Variants in MCIDAS observed in about 807,000 individuals in gnomAD.
MCIDAS encodes multiciliate differentiation and DNA synthesis associated cell cycle protein.
In MCIDAS, 23 loss-of-function variants were observed where a neutral mutation model predicts 35.4. That is an observed-to-expected ratio of 0.65 (90% CI 0.47 to 0.92). The LOEUF (loss-of-function observed/expected upper bound fraction) is 0.92, where lower values mean the gene tolerates loss of function less well. Ranked by LOEUF, MCIDAS falls within the 40% of genes least tolerant of loss-of-function variation. The pLI is 0.00. For synonymous variants in MCIDAS, 228 were observed against 235.2 expected (o/e 0.97, Z 0.28); for missense variants, 480 against 531.8 (o/e 0.90, Z 0.96).
Position 55,220,381 on chromosome 5 carries a change from G to C in MCIDAS, c.1143C>G (p.Arg381=). ...IRTANGGYKF[R]WVPS ...ACATCACAGCTCAACTGGGGACCCA[G>C]CGGAACTTGTAACCCCCGTTGGCTG... The change falls in exon 7 of 7, where the codon CGC becomes CGG. Residue 381 remains arginine, a synonymous_variant. Transcript: ENST00000513312. 6.5e-7 allele frequency: 1 copy of C among 1,535,156 alleles called. No individual in the cohort carries two copies. Among genetic ancestry groups the C allele is most frequent in the Non-Finnish European group, 8.7e-7 (1 of 1,146,174 alleles).
chr5:55,220,903 C>A (rs1745343477), intron 6 of MCIDAS, 97 bp from the exon 7 acceptor site: 2 of 1,444,934 alleles, frequency 1.4e-6, no homozygotes, highest in Non-Finnish European at 1.8e-6. Context: ...GCACCACGCA[C>A]TCAGCGGTAC....
chr5:55,223,435 G>C lies in MCIDAS; in HGVS notation c.310-412C>G, dbSNP rs971804965. The stretch of plus-strand genomic sequence containing the variant: ...CGTGGCGGGAATGGGTCCTTCCACC[G>C]GCGGTGCGGCGGCCCTGCGCCGGCT... On this transcript the variant is annotated intron_variant, in intron 3 of 6. Transcript: ENST00000513312. This position sits in a 1 kb window ranked among gnomAD's most constrained non-coding sequence, Gnocchi z 4.4. 1.1e-4 allele frequency among the ~76,000 whole-genome samples: 16 copies of C among 152,208 alleles called. No homozygotes were observed. The highest frequency in any genetic ancestry group is 1.0e-3 in the South Asian group (5 of 4,832).
chr5:55,222,403 G>GAGA lies in MCIDAS; in HGVS notation c.383-7_383-5dup. On this transcript the variant is annotated splice_polypyrimidine_tract_variant and splice_region_variant and intron_variant, in intron 4 of 6. Coordinates refer to ENST00000513312, the MANE Select transcript of MCIDAS (RefSeq NM_001190787.3). ...GGCGACATCATAGAGGATGAGTCTGGAGAAGAGCAGGAGCTGGATTTGCAG... is the reference window on the plus strand; with the variant it reads ...GGCGACATCATAGAGGATGAGTCTGGAGAAGAAGAGCAGGAGCTGGATTTGCAG... The GAGA allele has an allele frequency of 6.8e-7, 1 of 1,474,420 alleles. No individual in the cohort carries two copies. 91.3% of individuals were successfully genotyped at this position (1,474,420 alleles called of 1,614,324 possible).
Position 55,220,151 on chromosome 5 carries a change from T to C in MCIDAS, c.*215A>G. The C allele has an allele frequency of 2.0e-6, 1 of 497,248 alleles. No homozygotes were observed. Among genetic ancestry groups the C allele is most frequent in the Non-Finnish European group, 3.5e-6 (1 of 286,296 alleles). 30.8% of individuals were successfully genotyped at this position (497,248 alleles called of 1,614,324 possible). A position where few individuals can be genotyped will look rare whatever the true frequency, so the allele number is the denominator to read the frequency against. On this transcript the variant is annotated 3_prime_UTR_variant, in exon 7 of 7. Coordinates refer to ENST00000513312, the MANE Select transcript of MCIDAS (RefSeq NM_001190787.3). ...TACTTTTAAAATTGGCTGTGACATA[T>C]GTGACATATACATATATAAACAGAG...
At chr5:55,224,202 G>A (rs756685106) in intron 3 of MCIDAS, among the ~76,000 whole-genome samples, 15 of 151,800 alleles carry the variant, frequency 9.9e-5, no homozygotes, top group Admixed American at 5.9e-4. Flanking sequence ...GGCTTCCACC[G>A]AAGACAGCAC....
chr5:55,225,408 G>A (rs553238164), intron 3 of MCIDAS, among the ~76,000 whole-genome samples: 2 of 152,324 alleles, frequency 1.3e-5, no homozygotes, highest in East Asian at 3.9e-4. Context: ...ACATGCTGGG[G>A]TAAGGGAGTG....
At position 55,222,395 on chromosome 5, in the gene MCIDAS, T is replaced by C. The variant is rs1745377943; in HGVS notation, c.387A>G (p.Ser129=). Reference sequence around the variant, plus strand: ...CCAGGGTAGGCGACATCATAGAGGATGAGTCTGGAGAAGAGCAGGAGCTGG... The same window carrying C: ...CCAGGGTAGGCGACATCATAGAGGACGAGTCTGGAGAAGAGCAGGAGCTGG... The part of the protein sequence containing the change: ...RDTVDDLISD[S]SSMMSPTLAS... Residue 129 remains serine (S), a synonymous_variant, in exon 5 of 7, where the codon TCA becomes TCG. Coordinates refer to ENST00000513312, the MANE Select transcript of MCIDAS (RefSeq NM_001190787.3). 5 of 1,502,506 alleles carry C rather than the reference T, an allele frequency of 3.3e-6. No homozygotes were observed. The highest frequency in any genetic ancestry group is 2.5e-5 in the East Asian group (1 of 40,514). 93.1% of individuals were successfully genotyped at this position (1,502,506 alleles called of 1,614,324 possible).
chr5:55,222,136 C>T (rs1259459821), intron 5 of MCIDAS, 40 bp downstream of exon 5: 2 of 1,523,136 alleles, frequency 1.3e-6, no homozygotes, highest in East Asian at 2.4e-5. Context: ...ATATCCTGTC[C>T]CTGCCCCAGG....
rs1480698431 is a variant in MCIDAS, at chr5:55,220,759, G to C, written c.765C>G (p.Pro255=). The stretch of plus-strand genomic sequence containing the variant: ...TTTTGGCCTTCGCCTTGAGCAGGAA[G>C]GGCTCGGCCGCCGCCCCACAATCCC... ...QSRDCGAAAE[P]FLLKAKAKRS... The change falls in exon 7 of 7, where the codon CCC becomes CCG. Residue 255 remains proline, a synonymous_variant. Coordinates refer to ENST00000513312, the MANE Select transcript of MCIDAS (RefSeq NM_001190787.3). The C allele has an allele frequency of 6.5e-7, 1 of 1,534,098 alleles. No homozygotes were observed. Among genetic ancestry groups the C allele is most frequent in the Non-Finnish European group, 8.7e-7 (1 of 1,145,272 alleles).
chr5:55,226,718 G>T, intron 2 of MCIDAS, 51 bp from the exon 3 acceptor site: 1 of 1,424,170 alleles, frequency 7.0e-7, no homozygotes, highest in Non-Finnish European at 9.1e-7. Context: ...GAGCCTCTCC[G>T]CCAGGCTCGC....
At position 55,220,310 on chromosome 5, in the gene MCIDAS, C is replaced by G. The variant is rs1745326115; in HGVS notation, c.*56G>C. 12 of 1,469,708 alleles carry G rather than the reference C, an allele frequency of 8.2e-6. No homozygotes were observed. The highest frequency in any genetic ancestry group is 1.1e-5 in the Non-Finnish European group (12 of 1,105,970). 91.0% of individuals were successfully genotyped at this position (1,469,708 alleles called of 1,614,324 possible). On this transcript the variant is annotated 3_prime_UTR_variant, in exon 7 of 7. Transcript: ENST00000513312. ...AACCTGAAGGCAAAGTTCTGGGAAG[C>G]CCCCAGGCACTTCAGTGGAAACACA...
chr5:55,226,717 C>A (rs1745462026), intron 2 of MCIDAS, 50 bp from the exon 3 acceptor site: 1 of 1,425,200 alleles, frequency 7.0e-7, no homozygotes, highest in African/African-American at 1.5e-5. Context: ...TGAGCCTCTC[C>A]GCCAGGCTCG....
At chr5:55,224,912 C>T (rs1745430112) in intron 3 of MCIDAS, among the ~76,000 whole-genome samples, 1 of 152,184 alleles carries the variant, frequency 6.6e-6, no homozygotes, top group Admixed American at 6.5e-5. Context: ...GTCCTTGAAA[C>T]TTCGAGGCTG....
At chr5:55,226,530 G>T (rs993101097) in intron 3 of MCIDAS, 46 bp downstream of exon 3, 4 of 1,516,050 alleles carry the variant, frequency 2.6e-6, no homozygotes, top group South Asian at 1.2e-5. Context: ...CCGGAGGAGG[G>T]TTTGGGTTGC....
intron 3 of MCIDAS, among the ~76,000 whole-genome samples, chr5:55,225,818 G>A (rs758626310): frequency 6.6e-6 from 1 of 152,180 alleles, no homozygotes. Flanking sequence ...CAGGCTTCTG[G>A]CCTCCCAGAC....
At position 55,226,651 on chromosome 5, in the gene MCIDAS, G is replaced by A. The variant is rs756870581; in HGVS notation, c.234C>T (p.Asp78=). Residue 78 remains aspartate (D), a synonymous_variant, in exon 3 of 7, where the codon GAC becomes GAT. Coordinates refer to ENST00000513312, the MANE Select transcript of MCIDAS (RefSeq NM_001190787.3). ...AAGAGCAGTCAGCGAGGTCCTGCAG[G>A]TCTATGGTGGTGAGGGCTGCGCGGG... The part of the protein sequence containing the change: ...PTALPALTTI[D]LQDLADCSSL... 400 of 1,529,130 alleles carry A rather than the reference G, an allele frequency of 2.6e-4. 2 individuals carry two copies. The Middle Eastern group carries it at 0.013, about 51-fold the overall frequency. The allele number at this position is 1,529,130 out of a possible 1,614,324, so 94.7% of individuals were successfully genotyped here.
At chr5:55,222,473 T>C (rs1346484227) in intron 4 of MCIDAS, 74 bp from the exon 5 acceptor site, 1 of 1,205,936 alleles carries the variant, frequency 8.3e-7, no homozygotes, top group Admixed American at 2.7e-5. Context: ...AATGCCACTC[T>C]GGGTGTAGGG....
In MCIDAS at chr5:55,220,630, G is replaced by A. The variant is rs745862232; in HGVS notation, c.894C>T (p.Arg298=). Residue 298 remains arginine (R), a synonymous_variant, in exon 7 of 7, where the codon CGC becomes CGT. Transcript: ENST00000513312. Reference sequence around the variant, plus strand: ...GCAGCAGTCGGGGCCGCTTGGGATCGCGGCTCTGAAGGGCTTCATCGCAGC... The same window carrying A: ...GCAGCAGTCGGGGCCGCTTGGGATCACGGCTCTGAAGGGCTTCATCGCAGC... The part of the protein sequence containing the change: ...SERCDEALQS[R]DPKRPRLLPE... The A allele has an allele frequency of 1.3e-6, 2 of 1,536,104 alleles. No individual in the cohort carries two copies. The highest frequency in any genetic ancestry group is 8.7e-7 in the Non-Finnish European group (1 of 1,146,876).
At position 55,220,028 on chromosome 5, in the gene MCIDAS, C is replaced by T. The variant is rs1205186617; in HGVS notation, c.*338G>A. Reference sequence around the variant, plus strand: ...AATCTCTTAGAGCCTTCTTTTCCTTCTTATAATATTAGAGCATTACATAAT... The same window carrying T: ...AATCTCTTAGAGCCTTCTTTTCCTTTTTATAATATTAGAGCATTACATAAT... On this transcript the variant is annotated 3_prime_UTR_variant, in exon 7 of 7. Coordinates refer to ENST00000513312, the MANE Select transcript of MCIDAS (RefSeq NM_001190787.3). 5.0e-6 allele frequency: 1 copy of T among 200,436 alleles called. No homozygotes were observed. The highest frequency in any genetic ancestry group is 5.3e-5 in the Admixed American group (1 of 18,956). The allele number at this position is 200,436 out of a possible 1,614,324, so 12.4% of individuals were successfully genotyped here. A position where few individuals can be genotyped will look rare whatever the true frequency, so the allele number is the denominator to read the frequency against.
Sources: allele counts gnomAD v4.1 joint callset (sites outside exome capture counted in the v4.1 genomes callset), GRCh38; gene constraint gnomAD v4.1.1; non-coding constraint Gnocchi (gnomAD v3.1); transcripts MANE v1.5; gene names NCBI Gene and HGNC (gene_info 2026-07-23, HGNC 2026-07-21).